The following MAPK4 variants were observed in gnomAD, a reference collection of about 807,000 sequenced individuals.
MAPK4 encodes the protein mitogen-activated protein kinase 4, also known as Erk3-related.
Under a neutral mutation model 47.7 loss-of-function variants are expected in MAPK4, and 22 were observed. The observed-to-expected ratio is 0.46, with a 90% confidence interval of 0.33 to 0.66. MAPK4 has a LOEUF of 0.66. Ranked by LOEUF, MAPK4 falls within the 30% of genes least tolerant of loss-of-function variation. MAPK4 has a pLI of 0.02. For synonymous variants in MAPK4, 390 were observed against 365.7 expected, an observed-to-expected ratio of 1.07 and a Z score of -0.76; for missense variants, 736 against 831.7, an observed-to-expected ratio of 0.88 and a Z score of 1.42.
At chr18:50,649,141 G>A (rs1431260635) in intron 1 of MAPK4, among the ~76,000 whole-genome samples, 1 of 152,194 alleles carries the variant, frequency 6.6e-6, no homozygotes, top group Non-Finnish European at 1.5e-5. Flanking sequence ...CAACCCCAGT[G>A]ATCTGATCCC....
At chr18:50,699,849 G>T (rs958686395) in intron 2 of MAPK4, among the ~76,000 whole-genome samples, 1 of 152,186 alleles carries the variant, frequency 6.6e-6, no homozygotes, top group African/African-American at 2.4e-5. Context: ...AAGGATTAAA[G>T]TCAGGACCAG....
intron 1 of MAPK4, among the ~76,000 whole-genome samples, chr18:50,637,367 G>T (rs570438000): frequency 7.9e-5 from 12 of 152,240 alleles, no homozygotes; most frequent in African/African-American, 2.9e-4. Context: ...CATGTTGAAG[G>T]TCAGGTATAG....
At chr18:50,592,137 G>A (rs2042441677) in intron 1 of MAPK4, among the ~76,000 whole-genome samples, 1 of 152,172 alleles carries the variant, frequency 6.6e-6, no homozygotes, top group Non-Finnish European at 1.5e-5. Context: ...TTGAAAGCTT[G>A]TAGACCTTGC....
Position 50,664,514 on chromosome 18 carries a change from GCTGGAATGGCGGATA to G in MAPK4, c.546+15_546+29del, listed in dbSNP as rs1568070512. On this transcript the variant is annotated intron_variant, in intron 2 of 5. Coordinates refer to ENST00000400384, the MANE Select transcript of MAPK4 (RefSeq NM_002747.4). The surrounding 1 kb of genome is among the most constrained non-coding windows in gnomAD (Gnocchi z 6.0). ...GCATTACTCCCACAAGGTATGTCTG[GCTGGAATGGCGGATA>G]CTGGTGGTCCACAGAATCCCCAAGA... is the stretch of plus-strand genomic sequence containing the variant. The G allele has an allele frequency of 1.1e-5, 17 of 1,569,440 alleles. 1 individual carries two copies. Among genetic ancestry groups the G allele is most frequent in the Admixed American group, 3.5e-5 (2 of 56,902 alleles).
intron 2 of MAPK4, among the ~76,000 whole-genome samples, chr18:50,687,685 G>A (rs1291788711): frequency 3.3e-5 from 5 of 151,376 alleles, no homozygotes; most frequent in South Asian, 2.1e-4. Flanking sequence ...GAGACTCTGC[G>A]GTGTGACCTC....
intron 1 of MAPK4, among the ~76,000 whole-genome samples, chr18:50,628,663 G>C (rs1317046037): frequency 6.6e-6 from 1 of 152,178 alleles, no homozygotes; most frequent in East Asian, 1.9e-4. Context: ...AATTTTAAGA[G>C]CCCATCAGGA....
intron 1 of MAPK4, among the ~76,000 whole-genome samples, chr18:50,647,600 G>A (rs1011044797): frequency 2.6e-5 from 4 of 152,002 alleles, no homozygotes; most frequent in African/African-American, 7.3e-5. Context: ...TTTTACCGTC[G>A]GCTCAATCCC....
chr18:50,587,873 C>T (rs751228061), intron 1 of MAPK4, among the ~76,000 whole-genome samples: 3 of 152,154 alleles, frequency 2.0e-5, no homozygotes, highest in East Asian at 1.9e-4. Context: ...GGATTACAGG[C>T]GCCCACCACC....
intron 2 of MAPK4, among the ~76,000 whole-genome samples, chr18:50,694,358 G>A (rs762719508): frequency 1.3e-5 from 2 of 152,036 alleles, no homozygotes; most frequent in East Asian, 1.9e-4. Context: ...GGCCAAACAC[G>A]TCCCCCTCAC....
chr18:50,625,328 C>A (rs76949404), intron 1 of MAPK4, among the ~76,000 whole-genome samples: 3,524 of 152,278 alleles, frequency 0.023, 59 homozygotes, highest in South Asian at 0.063. Context: ...ATGGCAAAAG[C>A]GCTGGGCATG....
rs1310285783 is a variant in MAPK4 at position 50,731,330 on chromosome 18, TTTCTGCCAC to T, written c.*1478_*1486del. 6.6e-6 allele frequency: 1 copy of T among 152,224 alleles called. No homozygotes were observed. The highest frequency in any genetic ancestry group is 1.9e-4 in the East Asian group (1 of 5,176). 9.4% of individuals were successfully genotyped at this position (152,224 alleles called of 1,614,324 possible). A position where few individuals can be genotyped will look rare whatever the true frequency, so the allele number is the denominator to read the frequency against. ...TCTGGTCCCCAGGAACATTCTACCA[TTTCTGCCAC>T]TGGTGTTCAGCTCCTTCTCTTCCCC... On this transcript the variant is annotated 3_prime_UTR_variant, in exon 6 of 6. Coordinates refer to ENST00000400384, the MANE Select transcript of MAPK4 (RefSeq NM_002747.4).
Position 50,730,323 on chromosome 18 carries a change from G to A in MAPK4, c.*469G>A, listed in dbSNP as rs1179519613. The A allele has an allele frequency of 6.5e-6, 1 of 154,230 alleles. No homozygotes were observed. Among genetic ancestry groups the A allele is most frequent in the African/African-American group, 2.4e-5 (1 of 41,506 alleles). 9.6% of individuals were successfully genotyped at this position (154,230 alleles called of 1,614,324 possible). A position where few individuals can be genotyped will look rare whatever the true frequency, so the allele number is the denominator to read the frequency against. On this transcript the variant is annotated 3_prime_UTR_variant, in exon 6 of 6. Transcript: ENST00000400384. ...ACGAGCTTGAAATCCCAGTCTCCTG[G>A]CCCCCAGGCCAGGGTCTGTCCACCA...
intron 2 of MAPK4, among the ~76,000 whole-genome samples, chr18:50,679,107 C>G (rs1186333133): frequency 6.6e-6 from 1 of 152,174 alleles, no homozygotes; most frequent in Non-Finnish European, 1.5e-5. Context: ...AGTCTGAGTT[C>G]CCCATGAAGG....
intron 2 of MAPK4, among the ~76,000 whole-genome samples, chr18:50,703,457 G>A (rs952999576): frequency 5.3e-5 from 8 of 152,204 alleles, no homozygotes; most frequent in African/African-American, 1.9e-4. Flanking sequence ...GGCACACCAA[G>A]AGGTCCCAGC....
intron 2 of MAPK4, among the ~76,000 whole-genome samples, chr18:50,679,427 A>C (rs906977703): frequency 1.3e-5 from 2 of 152,138 alleles, no homozygotes; most frequent in African/African-American, 4.8e-5. Context: ...ACCCAGAAAT[A>C]TTTCCTACAA....
chr18:50,700,173 A>G (rs147503801), intron 2 of MAPK4, among the ~76,000 whole-genome samples: 78 of 152,316 alleles, frequency 5.1e-4, no homozygotes, highest in African/African-American at 1.8e-3. Context: ...GAAGCCATCT[A>G]GGGACCAACC....
chr18:50,725,685 G>T (rs770561879), intron 4 of MAPK4, among the ~76,000 whole-genome samples: 1 of 152,116 alleles, frequency 6.6e-6, no homozygotes, highest in Non-Finnish European at 1.5e-5. Flanking sequence ...CTTGTCTCTG[G>T]TTCTGTCTCT....
rs79191311 is a variant in MAPK4, at chr18:50,578,627, T to G, written c.-871+18384T>G. ...AAGAACCTATTAGCAAACTATAAGA[T>G]TGATAGATGGATTTTTTGAAAAAAT... On this transcript the variant is annotated intron_variant, in intron 1 of 5. Transcript: ENST00000400384. 5.3e-3 allele frequency among the ~76,000 whole-genome samples: 814 copies of G among 152,272 alleles called. 7 individuals are homozygous for G. Among genetic ancestry groups the G allele is most frequent in the African/African-American group, 0.018 (766 of 41,536 alleles).
intron 1 of MAPK4, among the ~76,000 whole-genome samples, chr18:50,571,664 G>T (rs1480658588): frequency 6.6e-6 from 1 of 152,148 alleles, no homozygotes; most frequent in Non-Finnish European, 1.5e-5. Flanking sequence ...GCCATTTTCT[G>T]TATTTCTTTT....
Sources: allele counts gnomAD v4.1 joint callset (sites outside exome capture counted in the v4.1 genomes callset), GRCh38; gene constraint gnomAD v4.1.1; non-coding constraint Gnocchi (gnomAD v3.1); transcripts MANE v1.5; gene names NCBI Gene and HGNC (gene_info 2026-07-23, HGNC 2026-07-21).